The following FH variants were observed in gnomAD, a reference collection of about 807,000 sequenced individuals.
The protein encoded by FH is fumarate hydratase, also known as fumarate hydratase, mitochondrial.
A neutral mutation model predicts 49.4 loss-of-function variants in FH; 22 were observed. The observed-to-expected ratio is 0.45, with a 90% confidence interval of 0.32 to 0.64. The LOEUF (loss-of-function observed/expected upper bound fraction) is 0.64. FH is among the 30% of genes least tolerant of loss of function. FH has a pLI of 0.05. For missense variants in FH, 526 were observed against 641.5 expected (o/e 0.82, Z 1.95); for synonymous variants, 208 against 223.0 (o/e 0.93, Z 0.60).
At chr1:241,506,346 G>A (rs1038248562) in intron 5 of FH, among the ~76,000 whole-genome samples, 178 bp from the exon 6 acceptor site, 3 of 152,120 alleles carry the variant, frequency 2.0e-5, no homozygotes, top group Non-Finnish European at 2.9e-5. Context: ...GGAAGGATGA[G>A]GGTTTATAGA....
chr1:241,513,571 G>T, intron 3 of FH, 32 bp downstream of exon 3: 1 of 1,494,856 alleles, frequency 6.7e-7, no homozygotes, highest in Non-Finnish European at 9.3e-7. Context: ...TGGGTCTGAG[G>T]TTATTAAGCA....
intron 8 of FH, among the ~76,000 whole-genome samples, chr1:241,501,926 CAGA>C (rs1192469377): frequency 5.3e-5 from 8 of 152,098 alleles, no homozygotes; most frequent in Non-Finnish European, 8.8e-5. Context: ...TGACAGGGGG[CAGA>C]AGAAGAACTG....
At chr1:241,518,605 T>C (rs999849809) in intron 1 of FH, among the ~76,000 whole-genome samples, 10 of 152,182 alleles carry the variant, frequency 6.6e-5, no homozygotes, top group Admixed American at 1.3e-4. Flanking sequence ...CTACATGGTA[T>C]TTTCACATGT....
intron 5 of FH, among the ~76,000 whole-genome samples, chr1:241,507,084 C>T (rs551337584): frequency 6.6e-6 from 1 of 152,256 alleles, no homozygotes; most frequent in African/African-American, 2.4e-5. Context: ...TACAGTCACG[C>T]ACCACATAAT....
intron 5 of FH, among the ~76,000 whole-genome samples, chr1:241,507,711 T>C (rs1293504808): frequency 6.6e-6 from 1 of 152,200 alleles, no homozygotes; most frequent in African/African-American, 2.4e-5. Flanking sequence ...ATACATACTG[T>C]TCCTCCTTAG....
Position 241,504,238 on chromosome 1 carries a change from A to T in FH, c.912T>A (p.Pro304=). 6.2e-7 allele frequency: 1 copy of T among 1,614,134 alleles called. No individual in the cohort carries two copies. Among genetic ancestry groups the T allele is most frequent in the Non-Finnish European group, 8.5e-7 (1 of 1,179,996 alleles). Residue 304 remains proline (P), a synonymous_variant, in exon 7 of 10, where the codon CCT becomes CCA. Coordinates refer to ENST00000366560, the MANE Select transcript of FH (RefSeq NM_000143.4). ...CAAATTTATTCGGAGCAGTGACAAAAGGCAAGCCTAAAGAAAAGAAAAATA... is the reference window on the plus strand; with the variant it reads ...CAAATTTATTCGGAGCAGTGACAAATGGCAAGCCTAAAGAAAAGAAAAATA... ...AAKVAALTGL[P]FVTAPNKFEA...
At chr1:241,500,656 A>G in intron 8 of FH, 66 bp from the exon 9 acceptor site, 1 of 1,522,176 alleles carries the variant, frequency 6.6e-7, no homozygotes. Flanking sequence ...CTAAGGCAAC[A>G]TGTTTTTTGT....
At chr1:241,503,351 T>G (rs1315670373) in intron 7 of FH, among the ~76,000 whole-genome samples, 1 of 152,244 alleles carries the variant, frequency 6.6e-6, no homozygotes, top group Non-Finnish European at 1.5e-5. Flanking sequence ...TTTCTCACTA[T>G]TAAAAGTTAC....
chr1:241,497,914 T>G lies in FH; in HGVS notation c.1447A>C (p.Lys483Gln), dbSNP rs1017406473. 9 of 1,613,814 alleles carry G rather than the reference T, an allele frequency of 5.6e-6. No individual in the cohort carries two copies. The highest frequency in any genetic ancestry group is 1.7e-4 in the Middle Eastern group (1 of 5,984). ...KTAHKNGSTL[K>Q]ETAIELGYLT... is the part of the protein sequence containing the mutation. ...TAGCCAAGTTCGATAGCAGTTTCCT[T>G]TAAGGTTGATCCATTTTTGTGTGCT... The change falls in exon 10 of 10, where the codon AAG becomes CAG. Residue 483 changes from lysine to glutamine, a missense_variant. Coordinates refer to ENST00000366560, the MANE Select transcript of FH (RefSeq NM_000143.4).
chr1:241,508,674 T>C lies in FH; in HGVS notation c.667A>G (p.Lys223Glu). ...ATCTTGATGATCTGTGCAAACTCTTTGGATTTTGCATCAAGAGCATCATGT... is the reference window on the plus strand; with the variant it reads ...ATCTTGATGATCTGTGCAAACTCTTCGGATTTTGCATCAAGAGCATCATGT... Reference protein sequence around the residue: ...KLHDALDAKSKEFAQIIKIGR... With the variant: ...KLHDALDAKSEEFAQIIKIGR... Residue 223 changes from lysine to glutamate, a missense_variant, in exon 5 of 10, where the codon AAA (lysine) becomes GAA (glutamate). Lys to Glu is a moderately conservative substitution (Grantham distance 56). Around this residue, in one of 2 missense-constraint regions of FH, gnomAD observed 383 missense variants for 514.0 expected, o/e 0.75. Transcript: ENST00000366560. The C allele has an allele frequency of 6.2e-7, 1 of 1,613,460 alleles. No homozygotes were observed. The highest frequency in any genetic ancestry group is 8.5e-7 in the Non-Finnish European group (1 of 1,179,402).
chr1:241,500,663 T>C (rs183704256), intron 8 of FH, 73 bp from the exon 9 acceptor site: 21 of 1,569,548 alleles, frequency 1.3e-5, no homozygotes, highest in Admixed American at 5.1e-5. Context: ...AACATGTTTT[T>C]TGTCCAATAA....
In FH at chr1:241,518,584, A is replaced by G. The variant is rs1009835184; in HGVS notation, c.132+1007T>C. ...ATACCCTAGATGGGGCACTTATTTA[A>G]TGAGCACTCGCTACATGGTATTTTC... On this transcript the variant is annotated intron_variant, in intron 1 of 9. Transcript: ENST00000366560. 2.6e-5 allele frequency among the ~76,000 whole-genome samples: 4 copies of G among 152,208 alleles called. No homozygotes were observed. The South Asian group carries it at 8.3e-4, about 31-fold the overall frequency.
intron 1 of FH, 21 bp downstream of exon 1, chr1:241,519,570 G>C: frequency 1.9e-6 from 3 of 1,544,778 alleles, no homozygotes; most frequent in Non-Finnish European, 2.6e-6. Context: ...GGGAGGCCGG[G>C]GGATGGCGGC....
chr1:241,507,091 T>C (rs1659949462), intron 5 of FH, among the ~76,000 whole-genome samples: 1 of 152,162 alleles, frequency 6.6e-6, no homozygotes, highest in Admixed American at 6.5e-5. Context: ...ACGCACCACA[T>C]AATGATGTTT....
intron 1 of FH, among the ~76,000 whole-genome samples, chr1:241,518,224 A>G (rs1456423815): frequency 6.6e-6 from 1 of 152,218 alleles, no homozygotes; most frequent in East Asian, 1.9e-4. Flanking sequence ...GAGGGCAAAA[A>G]GTACCAGAAC....
In FH at chr1:241,505,990, C is replaced by T. The variant is rs572806212; in HGVS notation, c.904+13G>A. 1.3e-5 allele frequency: 21 copies of T among 1,612,728 alleles called. No individual in the cohort carries two copies. The highest frequency in any genetic ancestry group is 5.0e-5 in the Admixed American group (3 of 60,008). On this transcript the variant is annotated intron_variant, in intron 6 of 9. Transcript: ENST00000366560. The stretch of plus-strand genomic sequence containing the variant: ...AGAAATGAAAATGAGAAATAATTCA[C>T]GTGATCACTAACCTGTAAGTGCAGC...
At position 241,504,147 on chromosome 1, in the gene FH, G is replaced by A. The variant is rs1203364199; in HGVS notation, c.1003C>T (p.Leu335=). 2 of 1,614,064 alleles carry A rather than the reference G, an allele frequency of 1.2e-6. No individual in the cohort carries two copies. The highest frequency in any genetic ancestry group is 1.7e-6 in the Non-Finnish European group (2 of 1,180,022). Residue 335 remains leucine (L), a synonymous_variant, in exon 7 of 10, where the codon CTG becomes TTG. Coordinates refer to ENST00000366560, the MANE Select transcript of FH (RefSeq NM_000143.4). ...CGAATATCATTTGCTATCTTCATCA[G>A]ACTGCAGGCAGTAGTGTTCATGGCT... ...SGAMNTTACS[L]MKIANDIRFL...
Position 241,497,756 on chromosome 1 carries a change from C to A in FH, c.*72G>T. The A allele has an allele frequency of 7.2e-7, 1 of 1,386,296 alleles. No homozygotes were observed. The highest frequency in any genetic ancestry group is 9.9e-7 in the Non-Finnish European group (1 of 1,007,218). 85.9% of individuals were successfully genotyped at this position (1,386,296 alleles called of 1,614,324 possible). On this transcript the variant is annotated 3_prime_UTR_variant, in exon 10 of 10. Transcript: ENST00000366560. ...AATAGCAGTTTCCTTTCAAACTTAT[C>A]CGTTTTTAAGAAATGGGAGTCTGTT...
At chr1:241,499,506 G>A (rs780832358) in intron 9 of FH, among the ~76,000 whole-genome samples, 1 of 152,126 alleles carries the variant, frequency 6.6e-6, no homozygotes, top group Non-Finnish European at 1.5e-5. Flanking sequence ...CCAAAAAACT[G>A]ATATCATACT....
Sources: gnomAD v4.1 joint callset for allele counts (sites outside exome capture counted in the v4.1 genomes callset) on GRCh38, gnomAD v4.1.1 for gene constraint, gnomAD v4.1.1 regional missense constraint, MANE v1.5 for transcripts, NCBI Gene and HGNC (gene_info 2026-07-23, HGNC 2026-07-21) for gene names.